GABRG3: variants seen among roughly 807,000 people sequenced by gnomAD.
GABRG3 encodes the protein gamma-aminobutyric acid receptor subunit gamma-3.
GABRG3 carries 25 observed loss-of-function variants against 48.8 expected under a neutral mutation model. That is an observed-to-expected ratio of 0.51 (90% confidence interval 0.37 to 0.72). GABRG3 has a LOEUF of 0.72. GABRG3 is among the 30% of genes least tolerant of loss of function. The pLI is 0.00. For synonymous variants in GABRG3, 227 were observed against 217.6 expected, an observed-to-expected ratio of 1.04 and a Z score of -0.38; for missense variants, 394 against 577.9, an observed-to-expected ratio of 0.68 and a Z score of 3.26.
At chr15:27,060,950 A>G (rs911801914) in intron 3 of GABRG3, among the ~76,000 whole-genome samples, 2 of 152,158 alleles carry the variant, frequency 1.3e-5, no homozygotes, top group African/African-American at 2.4e-5. Flanking sequence ...ACTAAATGCC[A>G]CCAAATACTC....
At chr15:27,309,293 T>G (rs889186316) in intron 3 of GABRG3, among the ~76,000 whole-genome samples, 4 of 147,946 alleles carry the variant, frequency 2.7e-5, no homozygotes, top group African/African-American at 1.0e-4. Context: ...AATTCTGTGT[T>G]TTATATATGT....
chr15:27,256,959 G>A (rs944216051), intron 3 of GABRG3, among the ~76,000 whole-genome samples: 1 of 152,144 alleles, frequency 6.6e-6, no homozygotes, highest in Non-Finnish European at 1.5e-5. Context: ...GGATCATTTG[G>A]CAGTTCAATT....
intron 6 of GABRG3, among the ~76,000 whole-genome samples, chr15:27,514,697 T>C (rs978088186): frequency 9.2e-5 from 14 of 152,232 alleles, no homozygotes; most frequent in Middle Eastern, 3.2e-3. Context: ...TACAACTATA[T>C]GACTAACTGG....
At chr15:27,284,719 A>T (rs79122182) in intron 3 of GABRG3, among the ~76,000 whole-genome samples, 1,684 of 152,344 alleles carry the variant, frequency 0.011, 32 homozygotes, top group African/African-American at 0.039. Context: ...ACTGGCCTAT[A>T]AACTAGATAA....
chr15:27,527,428 T>C lies in GABRG3; in HGVS notation c.866-5T>C, dbSNP rs1566880145. ...TTTACAACATGCTACCCGTCCCCTGTTCAGGCATCACCACGGTGCTGACCA... is the reference window on the plus strand; with the variant it reads ...TTTACAACATGCTACCCGTCCCCTGCTCAGGCATCACCACGGTGCTGACCA... On this transcript the variant is annotated splice_polypyrimidine_tract_variant and splice_region_variant and intron_variant, in intron 7 of 9. Transcript: ENST00000615808. The C allele has an allele frequency of 2.5e-6, 4 of 1,612,696 alleles. No individual in the cohort carries two copies. In the African/African-American group the frequency reaches 5.3e-5, roughly 21 times the overall value.
At chr15:27,453,682 A>G (rs1026650278) in intron 5 of GABRG3, among the ~76,000 whole-genome samples, 15 of 151,924 alleles carry the variant, frequency 9.9e-5, no homozygotes, top group African/African-American at 3.6e-4. Context: ...GCTCACTGCA[A>G]CCTCCACCTC....
At chr15:27,038,579 G>A (rs1896219526) in intron 3 of GABRG3, among the ~76,000 whole-genome samples, 1 of 152,210 alleles carries the variant, frequency 6.6e-6, no homozygotes, top group Admixed American at 6.5e-5. Flanking sequence ...CTGTGTTAGG[G>A]TTGGCAGAGC....
chr15:27,109,429 T>C (rs1322437754), intron 3 of GABRG3, among the ~76,000 whole-genome samples: 2 of 152,228 alleles, frequency 1.3e-5, no homozygotes, highest in African/African-American at 4.8e-5. Flanking sequence ...GTATCTACTG[T>C]TACAGTATCA....
intron 3 of GABRG3, among the ~76,000 whole-genome samples, chr15:27,162,655 A>G (rs1887234715): frequency 6.6e-6 from 1 of 152,106 alleles, no homozygotes; most frequent in South Asian, 2.1e-4. Context: ...GAAAATGGGC[A>G]TCACAGGATG....
chr15:27,250,351 C>T (rs1670855519), intron 3 of GABRG3, among the ~76,000 whole-genome samples: 1 of 152,220 alleles, frequency 6.6e-6, no homozygotes, highest in Non-Finnish European at 1.5e-5. Flanking sequence ...TAAAGTCAAG[C>T]ATTCACTTCC....
At chr15:27,094,414 T>C (rs2140759158) in intron 3 of GABRG3, among the ~76,000 whole-genome samples, 1 of 152,342 alleles carries the variant, frequency 6.6e-6, no homozygotes, top group Non-Finnish European at 1.5e-5. Context: ...ATTTGCAGTG[T>C]ACTTGGTCTA....
At chr15:27,404,471 C>A (rs961351130) in intron 5 of GABRG3, among the ~76,000 whole-genome samples, 2 of 152,104 alleles carry the variant, frequency 1.3e-5, no homozygotes, top group Non-Finnish European at 2.9e-5. Flanking sequence ...TATACGTGGG[C>A]GTCAACCAGA....
chr15:27,388,228 A>AGGT (rs1896059101), intron 5 of GABRG3, among the ~76,000 whole-genome samples: 1 of 31,148 alleles, frequency 3.2e-5, no homozygotes, highest in Non-Finnish European at 6.1e-5. Flanking sequence ...AAGGAAGGAA[A>AGGT]GGGAGGAGGG....
At position 27,348,155 on chromosome 15, in the gene GABRG3, C is replaced by CAAA. The variant is rs535295684; in HGVS notation, c.574+19268_574+19270dup. Reference sequence around the variant, plus strand: ...TGGGTGACAGAGCGAGACTCCATCTCAAATAAATAAAGAGTTGGAGATTTT... The same window carrying CAAA: ...TGGGTGACAGAGCGAGACTCCATCTCAAAAAATAAATAAAGAGTTGGAGATTTT... On this transcript the variant is annotated intron_variant, in intron 5 of 9. Transcript: ENST00000615808. Among the ~76,000 whole-genome samples the CAAA allele has an allele frequency of 3.6e-3, 375 of 102,976 alleles. 31 individuals carry two copies. The highest frequency in any genetic ancestry group is 0.016 in the African/African-American group (352 of 21,952). 67.6% of individuals were successfully genotyped at this position (102,976 alleles called of 152,430 possible).
intron 5 of GABRG3, among the ~76,000 whole-genome samples, chr15:27,413,140 A>G (rs1887846135): frequency 6.6e-6 from 1 of 152,222 alleles, no homozygotes; most frequent in African/African-American, 2.4e-5. Context: ...TAGATTATAA[A>G]TCATACTTTA....
intron 5 of GABRG3, among the ~76,000 whole-genome samples, chr15:27,413,993 TG>T (rs1306862783): frequency 1.3e-5 from 2 of 152,208 alleles, no homozygotes; most frequent in Admixed American, 6.5e-5. Context: ...ATGTGCAAGG[TG>T]GAGTTCCTTA....
At chr15:27,423,256 A>AC (rs905942654) in intron 5 of GABRG3, among the ~76,000 whole-genome samples, 12 of 151,016 alleles carry the variant, frequency 7.9e-5, no homozygotes, top group Admixed American at 2.6e-4. Flanking sequence ...AAAAAAAAAA[A>AC]AAAAAAAAAC....
At chr15:27,011,368 C>T (rs1166978538) in intron 2 of GABRG3, among the ~76,000 whole-genome samples, 1 of 152,186 alleles carries the variant, frequency 6.6e-6, no homozygotes, top group Non-Finnish European at 1.5e-5. Flanking sequence ...TTCCTGGCTT[C>T]TCTTCCTCCT....
intron 3 of GABRG3, among the ~76,000 whole-genome samples, chr15:27,309,445 T>G (rs1402511442): frequency 6.6e-6 from 1 of 151,892 alleles, no homozygotes; most frequent in East Asian, 1.9e-4. Context: ...GAAAAAGAAC[T>G]AGACATCTAC....
Sources: allele counts gnomAD v4.1 joint callset (sites outside exome capture counted in the v4.1 genomes callset), GRCh38; gene constraint gnomAD v4.1.1; transcripts MANE v1.5; gene names NCBI Gene and HGNC (gene_info 2026-07-23, HGNC 2026-07-21).